SLC66A1: variants seen among roughly 807,000 people sequenced by gnomAD.
The protein encoded by SLC66A1 is lysosomal amino acid transporter 1 homolog.
Under a neutral mutation model 33.0 loss-of-function variants are expected in SLC66A1, and 23 were observed. The observed-to-expected ratio is 0.70, with a 90% CI of 0.50 to 0.99. The LOEUF (loss-of-function observed/expected upper bound fraction) is 0.99. Among genes scored for constraint, SLC66A1 ranks in the 50% least tolerant of loss-of-function variants. The pLI is 0.00. For synonymous variants in SLC66A1, 164 were observed against 175.5 expected (o/e 0.93, Z 0.52); for missense variants, 335 against 383.6 (o/e 0.87, Z 1.06).
Position 19,320,662 on chromosome 1 carries a change from G to A in SLC66A1, c.164+2821G>A, listed in dbSNP as rs182474152. On this transcript the variant is annotated intron_variant, in intron 2 of 7. Transcript: ENST00000375153. Reference sequence around the variant, plus strand: ...GATTTCCTGACCTTGTGATCCGCCCGCCTTGGCCTCCCAAAGTGCTGGGAT... The same window carrying A: ...GATTTCCTGACCTTGTGATCCGCCCACCTTGGCCTCCCAAAGTGCTGGGAT... Among the ~76,000 whole-genome samples the A allele has an allele frequency of 2.8e-3, 424 of 151,594 alleles. 2 individuals are homozygous for A. The highest frequency in any genetic ancestry group is 8.7e-3 in the African/African-American group (358 of 41,124).
At chr1:19,327,998 C>T (rs541773013) in intron 7 of SLC66A1, 86 of 253,010 alleles carry the variant, frequency 3.4e-4, no homozygotes, top group East Asian at 5.5e-4. Flanking sequence ...TCTGTGCTGC[C>T]GTGTCTTCAC....
chr1:19,322,537 A>C (rs1338443917), intron 2 of SLC66A1, among the ~76,000 whole-genome samples: 2 of 151,718 alleles, frequency 1.3e-5, no homozygotes, highest in South Asian at 2.1e-4. Flanking sequence ...TATGCTAGTC[A>C]CTCCCCCTGT....
chr1:19,314,481 C>T (rs1367349790), intron 1 of SLC66A1, among the ~76,000 whole-genome samples: 1 of 152,206 alleles, frequency 6.6e-6, no homozygotes, highest in Non-Finnish European at 1.5e-5. Context: ...CCTCCCTAAC[C>T]TGGGGAAAGG....
chr1:19,331,419 G>C (rs1227256101), downstream of SLC66A1, among the ~76,000 whole-genome samples: 1 of 152,136 alleles, frequency 6.6e-6, no homozygotes, highest in Non-Finnish European at 1.5e-5. Context: ...CCAGCTTTGG[G>C]AGCCACCCCA....
intron 1 of SLC66A1, among the ~76,000 whole-genome samples, chr1:19,315,610 G>C (rs527883492): frequency 2.6e-5 from 4 of 152,334 alleles, no homozygotes; most frequent in Non-Finnish European, 5.9e-5. Flanking sequence ...AAGGCAGCTA[G>C]AGACAGCCCC....
At chr1:19,324,577 C>A in intron 2 of SLC66A1, 56 bp from the exon 3 acceptor site, 1 of 1,603,562 alleles carries the variant, frequency 6.2e-7, no homozygotes, top group South Asian at 1.1e-5. Context: ...CCCTATAAGG[C>A]GGCATCCCCT....
At chr1:19,326,206 C>G (rs1487936120) in intron 4 of SLC66A1, 39 bp from the exon 5 acceptor site, 5 of 1,568,964 alleles carry the variant, frequency 3.2e-6, no homozygotes, top group Non-Finnish European at 4.3e-6. Context: ...CGCTGCCACT[C>G]AGCCATCTAA....
intron 2 of SLC66A1, 145 bp downstream of exon 2, chr1:19,317,986 C>T (rs2093814890): frequency 1.0e-5 from 13 of 1,275,838 alleles, no homozygotes; most frequent in Non-Finnish European, 1.4e-5. Context: ...CAGGGACCTG[C>T]ACTGATTGCT....
rs1269149810 is a variant in SLC66A1 at position 19,325,602 on chromosome 1, T to A, written c.382+20T>A. ...CTCTGTGTGAGTATGGGGACCGCTC[T>A]CTGTCAGATGCTCTACCAGCAGCAG... On this transcript the variant is annotated intron_variant, in intron 4 of 7. Transcript: ENST00000375153. 17 of 1,515,646 alleles carry A rather than the reference T, an allele frequency of 1.1e-5. No individual in the cohort carries two copies. The highest frequency in any genetic ancestry group is 1.5e-5 in the Non-Finnish European group (17 of 1,096,860). The allele number at this position is 1,515,646 out of a possible 1,614,324, so 93.9% of individuals were successfully genotyped here.
chr1:19,329,882 G>A (rs1268073727), downstream of SLC66A1, among the ~76,000 whole-genome samples: 1 of 152,160 alleles, frequency 6.6e-6, no homozygotes, highest in African/African-American at 2.4e-5. Flanking sequence ...AAGGCAGGAG[G>A]AAGAAGTGGC....
intron 1 of SLC66A1, among the ~76,000 whole-genome samples, chr1:19,316,197 TC>T (rs1388010639): frequency 6.6e-6 from 1 of 152,146 alleles, no homozygotes; most frequent in Non-Finnish European, 1.5e-5. Flanking sequence ...GGCTGTGGAC[TC>T]CCTGCTGTTA....
At chr1:19,331,447 C>T (rs2152020226), downstream of SLC66A1, among the ~76,000 whole-genome samples, 1 of 152,284 alleles carries the variant, frequency 6.6e-6, no homozygotes, top group East Asian at 1.9e-4. Context: ...CCAACGCTGG[C>T]GGCCCGTGTC....
At chr1:19,315,978 G>A (rs1480935490) in intron 1 of SLC66A1, among the ~76,000 whole-genome samples, 1 of 152,196 alleles carries the variant, frequency 6.6e-6, no homozygotes, top group Non-Finnish European at 1.5e-5. Flanking sequence ...GTGCATGCAG[G>A]ATGCTTGGCT....
chr1:19,327,583 C>CCAT, intron 7 of SLC66A1, 171 bp downstream of exon 7: 1 of 851,966 alleles, frequency 1.2e-6, no homozygotes, highest in Non-Finnish European at 1.9e-6. Flanking sequence ...GTGCACACCT[C>CCAT]CTGTGTGCCA....
intron 7 of SLC66A1, 101 bp downstream of exon 7, chr1:19,327,513 ATCCG>A: frequency 8.7e-7 from 1 of 1,150,798 alleles, no homozygotes; most frequent in Non-Finnish European, 1.2e-6. Context: ...CCCTTCATCC[ATCCG>A]TCCATCCATC....
intron 3 of SLC66A1, 111 bp from the exon 4 acceptor site, chr1:19,325,384 G>A (rs1468979869): frequency 1.4e-6 from 1 of 706,520 alleles, no homozygotes; most frequent in Non-Finnish European, 2.5e-6. Flanking sequence ...GCTCAGAGAG[G>A]AGAAGTGACT....
chr1:19,332,458 C>A (rs1486027681), downstream of SLC66A1, among the ~76,000 whole-genome samples: 1 of 152,136 alleles, frequency 6.6e-6, no homozygotes, highest in East Asian at 1.9e-4. Flanking sequence ...CTGGAACCTC[C>A]CCCAGGTTCC....
rs1229631913 is a variant in SLC66A1, at chr1:19,325,635, TTGTG to T, written c.382+54_382+57del. ...ATGCTCTACCAGCAGCAGGGGGCAG[TTGTG>T]GGGGGGGGCGCCTGGAGTGTGGGAG... On this transcript the variant is annotated intron_variant, in intron 4 of 7. Transcript: ENST00000375153. The T allele has an allele frequency of 5.0e-4, 265 of 529,432 alleles. 2 individuals are homozygous for T. The Middle Eastern group carries it at 6.0e-3, about 12-fold the overall frequency. The allele number at this position is 529,432 out of a possible 1,614,324, so 32.8% of individuals were successfully genotyped here.
chr1:19,322,024 T>C (rs1028937815), intron 2 of SLC66A1, among the ~76,000 whole-genome samples: 2 of 152,178 alleles, frequency 1.3e-5, no homozygotes, highest in African/African-American at 4.8e-5. Context: ...TGTCCTTGCC[T>C]TTGGAGAGCT....
Sources: allele counts gnomAD v4.1 joint callset (sites outside exome capture counted in the v4.1 genomes callset), GRCh38; gene constraint gnomAD v4.1.1; transcripts MANE v1.5; gene names NCBI Gene and HGNC (gene_info 2026-07-23, HGNC 2026-07-21).